Variants in BMAL2 observed in about 807,000 individuals in gnomAD.
BMAL2 encodes the protein basic helix-loop-helix ARNT-like protein 2.
chr12:27,423,053 T>G, the BMAL2 span: 7 of 152,258 alleles, frequency 4.6e-5, no homozygotes, highest in African/African-American at 1.7e-4. Flanking sequence ...CTCTAATATT[T>G]TTCTGTAGAT....
the BMAL2 span, chr12:27,332,998 C>T: frequency 5.3e-6 from 6 of 1,127,302 alleles, no homozygotes; most frequent in Non-Finnish European, 6.6e-6. Context: ...GCCGCCTGGG[C>T]CGGGGCAGGG....
the BMAL2 span, among the ~76,000 whole-genome samples, chr12:27,391,316 A>G: frequency 1.3e-5 from 2 of 152,262 alleles, no homozygotes; most frequent in Admixed American, 6.5e-5. Flanking sequence ...TCTTGCATCA[A>G]TTCACTTAGG....
At chr12:27,386,651 A>G in the BMAL2 span, among the ~76,000 whole-genome samples, 1 of 152,122 alleles carries the variant, frequency 6.6e-6, no homozygotes. Flanking sequence ...ATTTTTTGAG[A>G]CAAGGTCTGG....
the BMAL2 span, among the ~76,000 whole-genome samples, chr12:27,367,214 A>T: frequency 1.3e-5 from 2 of 152,020 alleles, no homozygotes; most frequent in Non-Finnish European, 2.9e-5. Context: ...GTGGTACTGC[A>T]ACAGTGGATC....
the BMAL2 span, among the ~76,000 whole-genome samples, chr12:27,404,966 C>G: frequency 6.6e-6 from 1 of 152,184 alleles, no homozygotes; most frequent in Non-Finnish European, 1.5e-5. Context: ...ATGCCTGGCT[C>G]GGAGGGTCCT....
the BMAL2 span, among the ~76,000 whole-genome samples, chr12:27,386,622 G>C: frequency 6.6e-6 from 1 of 151,996 alleles, no homozygotes; most frequent in South Asian, 2.1e-4. Flanking sequence ...TTTGGTAAAG[G>C]TAATTTTATT....
chr12:27,394,338 G>C, the BMAL2 span: 1 of 152,120 alleles, frequency 6.6e-6, no homozygotes, highest in Non-Finnish European at 1.5e-5. Context: ...TTGAGTCCCA[G>C]GTACCCACAT....
the BMAL2 span, chr12:27,389,085 A>G: frequency 3.5e-6 from 3 of 861,192 alleles, no homozygotes; most frequent in East Asian, 7.3e-5. Context: ...GAGAAAAATC[A>G]ATCAAAAATC....
the BMAL2 span, among the ~76,000 whole-genome samples, chr12:27,410,545 T>G: frequency 6.6e-6 from 1 of 151,798 alleles, no homozygotes; most frequent in Admixed American, 6.6e-5. Flanking sequence ...AATTGAACAA[T>G]GAGAACACAT....
the BMAL2 span, among the ~76,000 whole-genome samples, chr12:27,381,666 A>G: frequency 2.6e-5 from 4 of 152,148 alleles, no homozygotes; most frequent in Non-Finnish European, 5.9e-5. Context: ...GAGCCAAACC[A>G]TGTCAACATG....
chr12:27,367,587 T>G, the BMAL2 span, among the ~76,000 whole-genome samples: 1 of 152,138 alleles, frequency 6.6e-6, no homozygotes, highest in Non-Finnish European at 1.5e-5. Context: ...CCCCTTCCTT[T>G]CTATTTTTCT....
the BMAL2 span, among the ~76,000 whole-genome samples, chr12:27,409,832 T>C: frequency 6.6e-6 from 1 of 152,150 alleles, no homozygotes; most frequent in Non-Finnish European, 1.5e-5. Flanking sequence ...AGAAAATTTT[T>C]GCAATCTACT....
the BMAL2 span, among the ~76,000 whole-genome samples, chr12:27,410,228 A>G: frequency 6.6e-6 from 1 of 152,222 alleles, no homozygotes; most frequent in Non-Finnish European, 1.5e-5. Context: ...CATTTGACCC[A>G]GCAATCCCAT....
At chr12:27,395,463 C>A in the BMAL2 span, among the ~76,000 whole-genome samples, 2 of 152,056 alleles carry the variant, frequency 1.3e-5, no homozygotes, top group Non-Finnish European at 2.9e-5. Context: ...AGTGGGATGT[C>A]CTCCGTGGAA....
the BMAL2 span, among the ~76,000 whole-genome samples, chr12:27,356,903 C>A: frequency 6.6e-6 from 1 of 151,740 alleles, no homozygotes; most frequent in Non-Finnish European, 1.5e-5. Context: ...TATCCCTCAC[C>A]CCCCCACCCT....
the BMAL2 span, among the ~76,000 whole-genome samples, chr12:27,365,314 C>G: frequency 1.3e-5 from 2 of 152,008 alleles, no homozygotes; most frequent in African/African-American, 2.4e-5. Flanking sequence ...ACTCCTGCAT[C>G]CCTAGGATGA....
At chr12:27,420,986 AC>A in the BMAL2 span, 1 of 154,030 alleles carries the variant, frequency 6.5e-6, no homozygotes, top group African/African-American at 2.4e-5. Context: ...GGGCTTACAC[AC>A]TTTAAGAAAA....
the BMAL2 span, among the ~76,000 whole-genome samples, chr12:27,344,125 A>G: frequency 1.3e-5 from 2 of 152,252 alleles, no homozygotes; most frequent in Non-Finnish European, 2.9e-5. Context: ...AAACTGAGGC[A>G]TAGAGAATTT....
the BMAL2 span, among the ~76,000 whole-genome samples, chr12:27,401,927 C>T: frequency 6.6e-6 from 1 of 152,200 alleles, no homozygotes; most frequent in Admixed American, 6.5e-5. Context: ...TTTATTCAAG[C>T]ATTTTCTTCC....
Sources: gnomAD v4.1 joint callset for allele counts (sites outside exome capture counted in the v4.1 genomes callset) on GRCh38, gnomAD v4.1.1 for gene constraint, MANE v1.5 for transcripts, NCBI Gene and HGNC (gene_info 2026-07-23, HGNC 2026-07-21) for gene names.